The following RFX1 variants were observed in gnomAD, a reference collection of about 807,000 sequenced individuals.
RFX1 encodes regulatory factor X1.
RFX1 carries 42 observed loss-of-function variants against 119.6 expected under a neutral mutation model. The observed-to-expected ratio is 0.35, with a 90% CI of 0.27 to 0.45. RFX1 has a LOEUF of 0.45. RFX1 is among the 20% of genes least tolerant of loss of function. RFX1 has a pLI of 1.00. For synonymous variants in RFX1, 628 were observed against 618.5 expected, an observed-to-expected ratio of 1.02 and a Z score of -0.23; for missense variants, 1,118 against 1,368.1, an observed-to-expected ratio of 0.82 and a Z score of 2.88.
chr19:13,983,316 G>T (rs1974489096), intron 3 of RFX1, 46 bp from the exon 4 acceptor site: 3 of 1,482,232 alleles, frequency 2.0e-6, no homozygotes, highest in South Asian at 2.5e-5. Context: ...TTCCCCCAGG[G>T]AGGCCTGGCG....
rs936241808 is a variant in RFX1 at position 13,963,524 on chromosome 19, C to T, written c.2570+14G>A. 1 of 1,595,478 alleles carries T rather than the reference C, an allele frequency of 6.3e-7. No homozygotes were observed. Among genetic ancestry groups the T allele is most frequent in the Non-Finnish European group, 8.5e-7 (1 of 1,175,880 alleles). ...CCCTGGTGCCGCCCGGACCCGATCC[C>T]GCCGCGCGCGCACCTGTAGAAGGAC... On this transcript the variant is annotated intron_variant, in intron 18 of 20. Coordinates refer to ENST00000254325, the MANE Select transcript of RFX1 (RefSeq NM_002918.5).
chr19:14,004,409 G>A (rs1345350162), intron 1 of RFX1, among the ~76,000 whole-genome samples: 3 of 152,160 alleles, frequency 2.0e-5, no homozygotes, highest in Non-Finnish European at 4.4e-5. Flanking sequence ...TCAGGAGACT[G>A]AGGCAGGAGA....
rs771391827 is a variant in RFX1 at position 13,962,832 on chromosome 19, C to T, written c.2803G>A (p.Asp935Asn). The change falls in exon 21 of 21, where the codon GAC (aspartate) becomes AAC (asparagine). Residue 935 changes from aspartate to asparagine, a missense_variant. This residue lies in a region of RFX1 where 138 missense variants were observed against 117.8 expected (regional missense o/e 1.17). Coordinates refer to ENST00000254325, the MANE Select transcript of RFX1 (RefSeq NM_002918.5). The part of the protein sequence containing the change: ...EEEEEEEESE[D>N]ELPQDISLAA... Reference sequence around the variant, plus strand: ...AGTGAGATGTCCTGCGGCAGCTCGTCCTCGCTCTCCTCCTCCTCTTCTTCC... The same window carrying T: ...AGTGAGATGTCCTGCGGCAGCTCGTTCTCGCTCTCCTCCTCCTCTTCTTCC... The T allele has an allele frequency of 2.6e-6, 4 of 1,527,782 alleles. No individual in the cohort carries two copies. The highest frequency in any genetic ancestry group is 2.4e-5 in the South Asian group (2 of 82,476). The allele number at this position is 1,527,782 out of a possible 1,614,324, so 94.6% of individuals were successfully genotyped here.
chr19:13,985,197 T>G lies in RFX1; in HGVS notation c.320-1602A>C, dbSNP rs1217986340. Reference sequence around the variant, plus strand: ...GCTTTCCGGGATTTTTTTTTTTTTTTGAGACAGGGTCTCACAGTTGCCCAG... The same window carrying G: ...GCTTTCCGGGATTTTTTTTTTTTTTGGAGACAGGGTCTCACAGTTGCCCAG... On this transcript the variant is annotated intron_variant, in intron 2 of 20. Transcript: ENST00000254325. This position sits in a 1 kb window ranked among gnomAD's most constrained non-coding sequence, Gnocchi z 4.3. 6.7e-6 allele frequency among the ~76,000 whole-genome samples: 1 copy of G among 149,570 alleles called. No individual in the cohort carries two copies. The highest frequency in any genetic ancestry group is 2.1e-4 in the South Asian group (1 of 4,708).
At chr19:13,984,487 C>T (rs1974535435) in intron 2 of RFX1, among the ~76,000 whole-genome samples, 1 of 152,134 alleles carries the variant, frequency 6.6e-6, no homozygotes, top group East Asian at 1.9e-4. Context: ...ATCAGGCAGG[C>T]ACAGGTCAAA....
rs575754260 is a variant in RFX1 at position 14,001,939 on chromosome 19, C to A, written c.-53+4164G>T. 2.6e-5 allele frequency among the ~76,000 whole-genome samples: 4 copies of A among 152,126 alleles called. No homozygotes were observed. The South Asian group carries it at 8.3e-4, about 32-fold the overall frequency. ...TCACCTGAGGTCAGGAGTTCGACACCAGCCTGGCCAACATGGTGAAACCCT... is the reference window on the plus strand; with the variant it reads ...TCACCTGAGGTCAGGAGTTCGACACAAGCCTGGCCAACATGGTGAAACCCT... On this transcript the variant is annotated intron_variant, in intron 1 of 20. Coordinates refer to ENST00000254325, the MANE Select transcript of RFX1 (RefSeq NM_002918.5).
intron 2 of RFX1, among the ~76,000 whole-genome samples, chr19:13,984,499 T>C (rs1974535743): frequency 6.6e-6 from 1 of 152,058 alleles, no homozygotes. Context: ...CAGGTCAAAT[T>C]TCATGCACAT....
chr19:13,963,668 G>T lies in RFX1; in HGVS notation c.2440C>A (p.Gln814Lys). 1 of 1,603,970 alleles carries T rather than the reference G, an allele frequency of 6.2e-7. No homozygotes were observed. ...LEQDFKVTLQ[Q>K]QNSLEQWAAW... ...GCCCACTGCTCCAGCGAGTTCTGCTGCTGCAGCGTCACCTTGAAGTCCTGC... is the reference window on the plus strand; with the variant it reads ...GCCCACTGCTCCAGCGAGTTCTGCTTCTGCAGCGTCACCTTGAAGTCCTGC... The change falls in exon 18 of 21, where the codon CAG becomes AAG. Residue 814 changes from glutamine to lysine, a missense_variant. By Grantham distance (53) the Gln-to-Lys change is moderately conservative. Around this residue, in one of 5 missense-constraint regions of RFX1, gnomAD observed 68 missense variants for 67.2 expected, o/e 1.01. Transcript: ENST00000254325.
chr19:13,999,204 A>C (rs541033090), intron 1 of RFX1, among the ~76,000 whole-genome samples: 1 of 152,294 alleles, frequency 6.6e-6, no homozygotes, highest in Non-Finnish European at 1.5e-5. Context: ...TGAGCGTGAG[A>C]ACCCTTTCTT....
Position 13,982,119 on chromosome 19 carries a change from A to C in RFX1, c.621+2T>G. The stretch of plus-strand genomic sequence containing the variant: ...AGGGCGGCCAACAGGACCACCACTT[A>C]CCTCTGGGGGCGAGTGCACCTGCTG... On this transcript the variant is annotated splice_donor_variant, in intron 5 of 20. Transcript: ENST00000254325. LOFTEE classifies it high-confidence loss of function. 1 of 1,304,752 alleles carries C rather than the reference A, an allele frequency of 7.7e-7. No individual in the cohort carries two copies. The highest frequency in any genetic ancestry group is 1.5e-5 in the African/African-American group (1 of 66,326). The allele number at this position is 1,304,752 out of a possible 1,614,324, so 80.8% of individuals were successfully genotyped here. A position where few individuals can be genotyped will look rare whatever the true frequency, so the allele number is the denominator to read the frequency against.
rs751276498 is a variant in RFX1 at position 13,968,862 on chromosome 19, C to T, written c.1529G>A (p.Arg510His). The change falls in exon 11 of 21, where the codon CGC becomes CAC. Residue 510 changes from arginine to histidine, a missense_variant. Physicochemically the swap from Arg to His is conservative, Grantham distance 29. Coordinates refer to ENST00000254325, the MANE Select transcript of RFX1 (RefSeq NM_002918.5). The surrounding 1 kb of genome is among the most constrained non-coding windows in gnomAD (Gnocchi z 5.5). ...GNSKYHYYGLRIKASSPLLRL... is the reference protein window; with the variant it reads ...GNSKYHYYGLHIKASSPLLRL... ...CAGCAGGGGTGAGCTGGCCTTGATG[C>T]GCAGGCCATAGTAGTGGTACTTGGA... is the stretch of plus-strand genomic sequence containing the variant. 16 of 1,551,312 alleles carry T rather than the reference C, an allele frequency of 1.0e-5. No individual in the cohort carries two copies. The highest frequency in any genetic ancestry group is 9.8e-5 in the Admixed American group (5 of 51,044).
rs934519389 is a variant in RFX1 at position 13,965,358 on chromosome 19, C to T, written c.2211+91G>A. 6 of 1,129,202 alleles carry T rather than the reference C, an allele frequency of 5.3e-6. No individual in the cohort carries two copies. Among genetic ancestry groups the T allele is most frequent in the African/African-American group, 1.5e-5 (1 of 65,496 alleles). 69.9% of individuals were successfully genotyped at this position (1,129,202 alleles called of 1,614,324 possible). On this transcript the variant is annotated intron_variant, in intron 16 of 20. Transcript: ENST00000254325. The surrounding 1 kb of genome is among the most constrained non-coding windows in gnomAD (Gnocchi z 4.7). ...CCACAGGCATCATCCCTGGAACAGG[C>T]GTGGGGACAAATTTTACCGCCCCTG...
chr19:13,983,715 C>A, intron 2 of RFX1, 120 bp from the exon 3 acceptor site: 1 of 791,172 alleles, frequency 1.3e-6, no homozygotes, highest in Non-Finnish European at 2.0e-6. Context: ...CAGGCCCCTC[C>A]AAGAGTCCTG....
At chr19:13,963,803 G>T in intron 17 of RFX1, 55 bp downstream of exon 17, 1 of 1,496,998 alleles carries the variant, frequency 6.7e-7, no homozygotes, top group Non-Finnish European at 8.9e-7. Context: ...CCCCCGCCTG[G>T]CCCGCCCCGT....
In RFX1 at chr19:13,985,238, C is replaced by G. The variant is rs1041658990; in HGVS notation, c.320-1643G>C. ...AGTTGCCCAGGCTGGAGTGCAGTGG[C>G]GCAATCTCTGCTCACTGAAATCTCC... On this transcript the variant is annotated intron_variant, in intron 2 of 20. Coordinates refer to ENST00000254325, the MANE Select transcript of RFX1 (RefSeq NM_002918.5). This position sits in a 1 kb window ranked among gnomAD's most constrained non-coding sequence, Gnocchi z 4.3. 2.0e-5 allele frequency among the ~76,000 whole-genome samples: 3 copies of G among 150,362 alleles called. No individual in the cohort carries two copies. Among genetic ancestry groups the G allele is most frequent in the Admixed American group, 6.7e-5 (1 of 15,014 alleles).
rs1974397824 is a variant in RFX1, at chr19:13,980,629, C to G, written c.682G>C (p.Val228Leu). 7.6e-6 allele frequency: 12 copies of G among 1,585,002 alleles called. No individual in the cohort carries two copies. Among genetic ancestry groups the G allele is most frequent in the African/African-American group, 1.3e-5 (1 of 74,568 alleles). ...SKTAGAPTGT[V>L]PQQLQVHGVQ... ...CCGTGGACCTGCAGCTGCTGTGGCA[C>G]TGTGCCCGTGGGGGCCCCGGCTGTC... Residue 228 changes from valine to leucine, a missense_variant, in exon 6 of 21, where the codon GTG becomes CTG. Val to Leu is a conservative substitution (Grantham distance 32, BLOSUM62 1). This residue lies in a region of RFX1 where 542 missense variants were observed against 602.7 expected (regional missense o/e 0.90). Coordinates refer to ENST00000254325, the MANE Select transcript of RFX1 (RefSeq NM_002918.5). The surrounding 1 kb of genome is among the most constrained non-coding windows in gnomAD (Gnocchi z 5.1).
chr19:14,001,363 C>T (rs189427629), intron 1 of RFX1, among the ~76,000 whole-genome samples: 1 of 152,252 alleles, frequency 6.6e-6, no homozygotes, highest in East Asian at 1.9e-4. Flanking sequence ...CACAGTGGCA[C>T]AATCACAGCT....
chr19:13,993,903 A>T lies in RFX1; in HGVS notation c.-52-8T>A. The T allele has an allele frequency of 7.4e-7, 1 of 1,351,120 alleles. No homozygotes were observed. The highest frequency in any genetic ancestry group is 1.0e-6 in the Non-Finnish European group (1 of 994,162). 83.7% of individuals were successfully genotyped at this position (1,351,120 alleles called of 1,614,324 possible). On this transcript the variant is annotated splice_polypyrimidine_tract_variant and splice_region_variant and intron_variant, in intron 1 of 20. Coordinates refer to ENST00000254325, the MANE Select transcript of RFX1 (RefSeq NM_002918.5). ...TTTTTTTTTTTTTAATTCCTTGGGAAGAAAGACGGGGATGGGGGAGAGAAA... is the reference window on the plus strand; with the variant it reads ...TTTTTTTTTTTTTAATTCCTTGGGATGAAAGACGGGGATGGGGGAGAGAAA...
chr19:13,980,616 A>G lies in RFX1; in HGVS notation c.695T>C (p.Leu232Pro). 1 of 1,582,830 alleles carries G rather than the reference A, an allele frequency of 6.3e-7. No homozygotes were observed. Residue 232 changes from leucine (L) to proline (P), a missense_variant, in exon 6 of 21, where the codon CTG becomes CCG. Leu to Pro is a moderately conservative substitution (Grantham distance 98). This residue lies in a region of RFX1 where 542 missense variants were observed against 602.7 expected (regional missense o/e 0.90). Coordinates refer to ENST00000254325, the MANE Select transcript of RFX1 (RefSeq NM_002918.5). The surrounding 1 kb of genome is among the most constrained non-coding windows in gnomAD (Gnocchi z 5.1). ...GAPTGTVPQQ[L>P]QVHGVQQSVP... ...ACTCTGCTGGACGCCGTGGACCTGC[A>G]GCTGCTGTGGCACTGTGCCCGTGGG... is the stretch of plus-strand genomic sequence containing the variant.
Sources: gnomAD v4.1 joint callset for allele counts (sites outside exome capture counted in the v4.1 genomes callset) on GRCh38, gnomAD v4.1.1 for gene constraint, gnomAD v4.1.1 regional missense constraint, Gnocchi (gnomAD v3.1) non-coding constraint, MANE v1.5 for transcripts, NCBI Gene and HGNC (gene_info 2026-07-23, HGNC 2026-07-21) for gene names.